SNX14: variants seen among roughly 807,000 people sequenced by gnomAD.
The protein encoded by SNX14 is sorting nexin-14.
In SNX14, 93 loss-of-function variants were observed where a neutral mutation model predicts 133.8. The observed-to-expected ratio is 0.70, with a 90% confidence interval of 0.59 to 0.83. The LOEUF (loss-of-function observed/expected upper bound fraction) is 0.83. Ranked by LOEUF, SNX14 falls within the 40% of genes least tolerant of loss-of-function variation. The probability of loss-of-function intolerance (pLI) is 0.00; values close to 1 mark genes in which losing one functional copy is unlikely to be tolerated. For missense variants in SNX14, 945 were observed against 1,094.9 expected, an observed-to-expected ratio of 0.86 and a Z score of 1.93; for synonymous variants, 368 against 365.6, an observed-to-expected ratio of 1.01 and a Z score of -0.07.
intron 12 of SNX14, among the ~76,000 whole-genome samples, chr6:85,545,975 G>A (rs1481218577): frequency 1.3e-5 from 2 of 152,236 alleles, no homozygotes; most frequent in Admixed American, 6.5e-5. Context: ...GAGCCACTGC[G>A]CCTTGCCCAA....
intron 12 of SNX14, 70 bp downstream of exon 12, chr6:85,547,042 T>G: frequency 9.3e-7 from 1 of 1,079,644 alleles, no homozygotes; most frequent in Non-Finnish European, 1.3e-6. Context: ...ACATCAGATC[T>G]GATTTAAAAT....
intron 4 of SNX14, among the ~76,000 whole-genome samples, chr6:85,569,023 T>C (rs1466218786): frequency 1.3e-5 from 2 of 151,684 alleles, no homozygotes; most frequent in Non-Finnish European, 2.9e-5. Flanking sequence ...TGGAGTGCAA[T>C]AGCGCAATCT....
At chr6:85,554,395 C>T (rs576243953) in intron 7 of SNX14, among the ~76,000 whole-genome samples, 26 of 152,126 alleles carry the variant, frequency 1.7e-4, no homozygotes. Context: ...AACGCCTATT[C>T]TCAAGAAGAT....
At chr6:85,567,013 A>C (rs1045609151) in intron 5 of SNX14, among the ~76,000 whole-genome samples, 8 of 152,218 alleles carry the variant, frequency 5.3e-5, no homozygotes, top group Non-Finnish European at 1.0e-4. Flanking sequence ...TCTCCAGGAA[A>C]AGTACTGAAG....
intron 26 of SNX14, 31 bp downstream of exon 26, chr6:85,513,769 A>G: frequency 1.3e-6 from 2 of 1,520,952 alleles, no homozygotes; most frequent in Middle Eastern, 1.7e-4. Context: ...GCTAATCTAT[A>G]TGAAATTAAG....
chr6:85,572,808 A>T (rs750215233), intron 2 of SNX14, among the ~76,000 whole-genome samples: 17 of 152,044 alleles, frequency 1.1e-4, no homozygotes, highest in Non-Finnish European at 2.2e-4. Context: ...AAAATTCAAA[A>T]ATTAGACAGG....
intron 22 of SNX14, 55 bp from the exon 23 acceptor site, chr6:85,517,930 TA>T: frequency 6.3e-7 from 1 of 1,580,196 alleles, no homozygotes; most frequent in South Asian, 1.2e-5. Context: ...TTTTAGTACA[TA>T]ATCCAGCAAA....
In SNX14 at chr6:85,558,032, T is replaced by A. The variant is rs145467343; in HGVS notation, c.578A>T (p.Lys193Ile). ...KVDIPSIITK[K>I]LLKAAMKHIE... ...ATGCTTCATTGCTGCTTTTAATAGT[T>A]TCTTGGTTATAATAGATGGAATATC... The change falls in exon 7 of 29, where the codon AAA becomes ATA. Residue 193 changes from lysine (K) to isoleucine (I), a missense_variant. By Grantham distance (102) the Lys-to-Ile change is moderately radical. Transcript: ENST00000314673. 2 of 1,586,462 alleles carry A rather than the reference T, an allele frequency of 1.3e-6. No homozygotes were observed.
Position 85,554,995 on chromosome 6 carries a change from A to AT in SNX14, c.634+2980dup, listed in dbSNP as rs561462138. On this transcript the variant is annotated intron_variant, in intron 7 of 28. Coordinates refer to ENST00000314673, the MANE Select transcript of SNX14 (RefSeq NM_153816.6). The stretch of plus-strand genomic sequence containing the variant: ...GCCACCACACTCGGCTAATTTTTTT[A>AT]TTTTTTTGTAGAGACAGGGTATCAC... Among the ~76,000 whole-genome samples the AT allele has an allele frequency of 2.3e-4, 35 of 151,558 alleles. No homozygotes were observed. In the East Asian group the frequency reaches 5.1e-3, roughly 22 times the overall value.
intron 6 of SNX14, among the ~76,000 whole-genome samples, chr6:85,563,111 T>C (rs924783376): frequency 6.6e-6 from 1 of 152,206 alleles, no homozygotes; most frequent in South Asian, 2.1e-4. Flanking sequence ...CCATTTTGTA[T>C]CTTTTTTTTG....
At chr6:85,576,874 A>G (rs942053485) in intron 1 of SNX14, among the ~76,000 whole-genome samples, 2 of 152,188 alleles carry the variant, frequency 1.3e-5, no homozygotes, top group African/African-American at 4.8e-5. Flanking sequence ...ATTTAAGAAG[A>G]TTTTAAAAAA....
chr6:85,585,515 C>G (rs989113374), intron 1 of SNX14, among the ~76,000 whole-genome samples: 1 of 151,966 alleles, frequency 6.6e-6, no homozygotes, highest in African/African-American at 2.4e-5. Context: ...CAGAAATCAA[C>G]AAAATAGACA....
intron 19 of SNX14, 97 bp from the exon 20 acceptor site, chr6:85,528,459 G>A (rs1779165729): frequency 1.2e-6 from 1 of 847,152 alleles, no homozygotes. Flanking sequence ...ATTCAGATTA[G>A]CAATACTGCC....
intron 17 of SNX14, among the ~76,000 whole-genome samples, chr6:85,534,341 G>A (rs951703376): frequency 5.9e-5 from 9 of 152,124 alleles, no homozygotes; most frequent in African/African-American, 1.7e-4. Context: ...AGGATCACTC[G>A]GCAGTGAAAC....
intron 27 of SNX14, among the ~76,000 whole-genome samples, 160 bp downstream of exon 27, chr6:85,507,808 G>T (rs1484730453): frequency 6.6e-6 from 1 of 151,870 alleles, no homozygotes; most frequent in Non-Finnish European, 1.5e-5. Flanking sequence ...GAAACAAAAA[G>T]AGTAACTCAA....
rs369310280 is a variant in SNX14, at chr6:85,513,849, C to T, written c.2604G>A (p.Lys868=). ...ENTEPRSLQD[K]QKGAKQTFEE... ...CAAAAGTCTGTTTTGCTCCTTTTTG[C>T]TTATCTTGGAGAGAGCGAGGTTCAG... The change falls in exon 26 of 29, where the codon AAG becomes AAA. Residue 868 remains lysine, a synonymous_variant. Coordinates refer to ENST00000314673, the MANE Select transcript of SNX14 (RefSeq NM_153816.6). 6.2e-7 allele frequency: 1 copy of T among 1,612,908 alleles called. No homozygotes were observed. Among genetic ancestry groups the T allele is most frequent in the Non-Finnish European group, 8.5e-7 (1 of 1,179,692 alleles).
chr6:85,523,850 T>A (rs1342243463), intron 21 of SNX14, among the ~76,000 whole-genome samples: 1 of 152,172 alleles, frequency 6.6e-6, no homozygotes, highest in Non-Finnish European at 1.5e-5. Context: ...ATGACTGTAG[T>A]ATCATTAACA....
At chr6:85,545,682 A>ATATT (rs1054127888) in intron 12 of SNX14, among the ~76,000 whole-genome samples, 2 of 152,170 alleles carry the variant, frequency 1.3e-5, no homozygotes, top group Non-Finnish European at 2.9e-5. Flanking sequence ...AACAAACTAC[A>ATATT]TATTTATTTA....
At chr6:85,543,119 A>G in intron 14 of SNX14, 63 bp downstream of exon 14, 1 of 1,352,594 alleles carries the variant, frequency 7.4e-7, no homozygotes, top group Non-Finnish European at 9.8e-7. Flanking sequence ...TCATCTAATG[A>G]TATCAAAGCT....
Sources: gnomAD v4.1 joint callset for allele counts (sites outside exome capture counted in the v4.1 genomes callset) on GRCh38, gnomAD v4.1.1 for gene constraint, MANE v1.5 for transcripts, NCBI Gene and HGNC (gene_info 2026-07-23, HGNC 2026-07-21) for gene names.